HCN1: variants seen among roughly 807,000 people sequenced by gnomAD.
HCN1 encodes the protein potassium/sodium hyperpolarization-activated cyclic nucleotide-gated channel 1.
A neutral mutation model predicts 78.9 loss-of-function variants in HCN1; 13 were observed. The ratio of observed to expected loss-of-function variants is 0.16; its 90% CI spans 0.11 to 0.26. The LOEUF is 0.26. HCN1 is among the 10% of genes least tolerant of loss of function. The probability of loss-of-function intolerance (pLI) is 1.00; values close to 1 mark genes in which losing one functional copy is unlikely to be tolerated. For missense variants in HCN1, 810 were observed against 1,154.3 expected (o/e 0.70, Z 4.32); for synonymous variants, 552 against 455.5 (o/e 1.21, Z -2.70).
chr5:45,493,527 G>A (rs1299899794), intron 2 of HCN1, among the ~76,000 whole-genome samples: 1 of 150,786 alleles, frequency 6.6e-6, no homozygotes, highest in Non-Finnish European at 1.5e-5. Flanking sequence ...TTGTGTCTAT[G>A]TTTCTACTTT....
intron 4 of HCN1, among the ~76,000 whole-genome samples, chr5:45,372,060 TTATATTA>T (rs1561127813): frequency 1.7e-5 from 1 of 58,214 alleles, no homozygotes; most frequent in Non-Finnish European, 2.7e-5. Context: ...TATAATATAA[TTATATTA>T]TATATTATAT....
intron 1 of HCN1, among the ~76,000 whole-genome samples, chr5:45,683,341 CT>C (rs923672470): frequency 6.6e-6 from 1 of 151,944 alleles, no homozygotes; most frequent in African/African-American, 2.4e-5. Context: ...AGGAAAGTTA[CT>C]GATATATCTT....
chr5:45,638,624 T>C (rs1033303215), intron 2 of HCN1, among the ~76,000 whole-genome samples: 1 of 152,170 alleles, frequency 6.6e-6, no homozygotes, highest in African/African-American at 2.4e-5. Flanking sequence ...GTCTTGGGGC[T>C]GGGCGCAGAG....
intron 2 of HCN1, among the ~76,000 whole-genome samples, chr5:45,504,364 T>G (rs916377228): frequency 6.6e-6 from 1 of 152,108 alleles, no homozygotes; most frequent in African/African-American, 2.4e-5. Flanking sequence ...GGTTTTTTGT[T>G]CTTGCGATAG....
intron 2 of HCN1, among the ~76,000 whole-genome samples, chr5:45,508,806 T>C (rs1312963155): frequency 6.6e-6 from 1 of 152,150 alleles, no homozygotes; most frequent in Non-Finnish European, 1.5e-5. Flanking sequence ...ATTATTTAGT[T>C]TGATAAACTA....
intron 6 of HCN1, among the ~76,000 whole-genome samples, chr5:45,273,401 C>T (rs1744995918): frequency 6.6e-6 from 1 of 151,976 alleles, no homozygotes; most frequent in Admixed American, 6.6e-5. Context: ...ATTAGTTAAC[C>T]CTGATTATAA....
intron 3 of HCN1, among the ~76,000 whole-genome samples, chr5:45,431,387 T>C (rs1239553664): frequency 6.6e-6 from 1 of 152,184 alleles, no homozygotes; most frequent in Non-Finnish European, 1.5e-5. Flanking sequence ...CTATGCTGTC[T>C]GTTTACTCTG....
intron 1 of HCN1, among the ~76,000 whole-genome samples, chr5:45,659,179 C>T (rs1452001026): frequency 1.3e-5 from 2 of 149,406 alleles, no homozygotes; most frequent in African/African-American, 4.9e-5. Context: ...GGGAGGCACC[C>T]CCCAGCAGGG....
At chr5:45,655,773 G>A (rs995197625) in intron 1 of HCN1, among the ~76,000 whole-genome samples, 3 of 152,076 alleles carry the variant, frequency 2.0e-5, no homozygotes, top group African/African-American at 7.2e-5. Flanking sequence ...TCTAAACAGA[G>A]GAGCTATGAG....
chr5:45,624,609 T>C (rs1306387081), intron 2 of HCN1, among the ~76,000 whole-genome samples: 1 of 152,062 alleles, frequency 6.6e-6, no homozygotes, highest in African/African-American at 2.4e-5. Context: ...GAGTGGGATA[T>C]TTAAAGAAGA....
chr5:45,269,273 A>G (rs908651970), intron 6 of HCN1, among the ~76,000 whole-genome samples: 1 of 152,354 alleles, frequency 6.6e-6, no homozygotes. Flanking sequence ...TTTGAATTCT[A>G]CACTTTAATG....
chr5:45,507,253 G>C (rs1293427205), intron 2 of HCN1, among the ~76,000 whole-genome samples: 1 of 152,248 alleles, frequency 6.6e-6, no homozygotes, highest in East Asian at 1.9e-4. Flanking sequence ...CATAGTCTCT[G>C]CCCTTTTCCT....
intron 2 of HCN1, among the ~76,000 whole-genome samples, chr5:45,517,520 TAAAAAAAAA>T (rs773490588): frequency 1.1e-5 from 1 of 94,368 alleles, no homozygotes; most frequent in Admixed American, 1.3e-4. Flanking sequence ...AATTTCCCCT[TAAAAAAAAA>T]AAAAAAAAAA....
rs147342486 is a variant in HCN1, at chr5:45,499,308, C to T, written c.850-37301G>A. Among the ~76,000 whole-genome samples the T allele has an allele frequency of 5.0e-3, 756 of 152,304 alleles. 4 individuals are homozygous for T. Among genetic ancestry groups the T allele is most frequent in the African/African-American group, 6.6e-3 (273 of 41,570 alleles). ...TCTCCTGGTGCGCCGTTTTTTAAGA[C>T]GGTTGGAAAAGCGTAGTATTCGGGT... On this transcript the variant is annotated intron_variant, in intron 2 of 7. Transcript: ENST00000303230.
rs1231451623 is a variant in HCN1, at chr5:45,696,234, G to A, written c.-141C>T. The A allele has an allele frequency of 1.3e-5, 3 of 222,750 alleles. No homozygotes were observed. The highest frequency in any genetic ancestry group is 1.7e-4 in the East Asian group (1 of 5,886). 13.8% of individuals were successfully genotyped at this position (222,750 alleles called of 1,614,324 possible). On this transcript the variant is annotated 5_prime_UTR_variant, in exon 1 of 8. Transcript: ENST00000303230. Reference sequence around the variant, plus strand: ...CCGTCGCGGCGGCGGCGGCGGCGGCGGCGGCTGCTGCTTCCCGACCGCGCC... The same window carrying A: ...CCGTCGCGGCGGCGGCGGCGGCGGCAGCGGCTGCTGCTTCCCGACCGCGCC...
intron 2 of HCN1, among the ~76,000 whole-genome samples, chr5:45,506,912 A>T (rs1742313323): frequency 6.6e-6 from 1 of 152,164 alleles, no homozygotes; most frequent in South Asian, 2.1e-4. Context: ...AGTGGCCTCA[A>T]ACCTGCATAC....
chr5:45,682,881 G>A (rs1460042904), intron 1 of HCN1, among the ~76,000 whole-genome samples: 2 of 151,846 alleles, frequency 1.3e-5, no homozygotes, highest in South Asian at 2.1e-4. Context: ...AATACCACAG[G>A]AATCATCTTT....
At chr5:45,690,092 T>C (rs1455540447) in intron 1 of HCN1, among the ~76,000 whole-genome samples, 1 of 152,118 alleles carries the variant, frequency 6.6e-6, no homozygotes, top group African/African-American at 2.4e-5. Context: ...TGCAGCACTT[T>C]TTAAAAAATA....
chr5:45,341,402 C>T (rs1404738257), intron 5 of HCN1, among the ~76,000 whole-genome samples: 9 of 152,190 alleles, frequency 5.9e-5, no homozygotes, highest in Admixed American at 5.2e-4. Context: ...AGTACCAAAA[C>T]CATTGCAGCC....
Sources: gnomAD v4.1 joint callset for allele counts (sites outside exome capture counted in the v4.1 genomes callset) on GRCh38, gnomAD v4.1.1 for gene constraint, MANE v1.5 for transcripts, NCBI Gene and HGNC (gene_info 2026-07-23, HGNC 2026-07-21) for gene names.